TNS3: variants seen among roughly 807,000 people sequenced by gnomAD.
TNS3 encodes the protein tensin-3.
A neutral mutation model predicts 140.9 loss-of-function variants in TNS3; 45 were observed. That is an observed-to-expected ratio of 0.32 (90% CI 0.25 to 0.41). TNS3 has a LOEUF of 0.41. TNS3 is among the 10% of genes least tolerant of loss of function. The probability of loss-of-function intolerance (pLI) is 1.00; values close to 1 mark genes in which losing one functional copy is unlikely to be tolerated. For synonymous variants in TNS3, 815 were observed against 788.4 expected (o/e 1.03, Z -0.56); for missense variants, 1,716 against 1,906.7 (o/e 0.90, Z 1.86).
At position 47,275,339 on chromosome 7, in the gene TNS3, T is replaced by G. The variant is rs1327319725; in HGVS notation, c.*2737A>C. On this transcript the variant is annotated 3_prime_UTR_variant, in exon 31 of 31. Coordinates refer to ENST00000311160, the MANE Select transcript of TNS3 (RefSeq NM_022748.12). ...GTTACAAGGTATTTGATGCTGAGAA[T>G]AAATGCACAGTGACTTTTAACATGG... is the stretch of plus-strand genomic sequence containing the variant. The G allele has an allele frequency of 1.3e-5, 2 of 152,782 alleles. No individual in the cohort carries two copies. Among genetic ancestry groups the G allele is most frequent in the Non-Finnish European group, 2.9e-5 (2 of 68,122 alleles). The allele number at this position is 152,782 out of a possible 1,614,324, so 9.5% of individuals were successfully genotyped here.
chr7:47,295,516 CAG>C (rs1288196790), intron 24 of TNS3, among the ~76,000 whole-genome samples: 1 of 152,194 alleles, frequency 6.6e-6, no homozygotes, highest in Admixed American at 6.5e-5. Flanking sequence ...TATCTCCACT[CAG>C]AAATAGCATC....
rs1786481739 is a variant in TNS3 at position 47,302,812 on chromosome 7, A to AC, written c.3457+137dup. On this transcript the variant is annotated intron_variant, in intron 22 of 30. Coordinates refer to ENST00000311160, the MANE Select transcript of TNS3 (RefSeq NM_022748.12). ...TTTTGGACGAGGAAAATGGAAAAGT[A>AC]CCCCAACGGCTCTGGATTTCCTCTC... 4 of 1,219,822 alleles carry AC rather than the reference A, an allele frequency of 3.3e-6. No individual in the cohort carries two copies. In the South Asian group the frequency reaches 6.7e-5, roughly 20 times the overall value. 75.6% of individuals were successfully genotyped at this position (1,219,822 alleles called of 1,614,324 possible).
intron 26 of TNS3, 78 bp from the exon 27 acceptor site, chr7:47,292,110 G>A: frequency 7.0e-7 from 1 of 1,420,914 alleles, no homozygotes; most frequent in Non-Finnish European, 9.8e-7. Flanking sequence ...TAGACAATTT[G>A]ATGACAGAAT....
chr7:47,308,645 T>G (rs1180790418), intron 20 of TNS3, among the ~76,000 whole-genome samples: 2 of 152,232 alleles, frequency 1.3e-5, no homozygotes, highest in Non-Finnish European at 2.9e-5. Context: ...TTTTGGGTCT[T>G]GCTCTTCACA....
chr7:47,400,843 C>T lies in TNS3; in HGVS notation c.795G>A (p.Gly265=). Residue 265 remains glycine, a synonymous_variant, in exon 14 of 31, where the codon GGG becomes GGA. Coordinates refer to ENST00000311160, the MANE Select transcript of TNS3 (RefSeq NM_022748.12). Reference sequence around the variant, plus strand: ...ACACCAGCCCGTAGCCCTGCACAGCCCCAGTGTGAAACTGCAGGCGGAAAA... The same window carrying T: ...ACACCAGCCCGTAGCCCTGCACAGCTCCAGTGTGAAACTGCAGGCGGAAAA... ...DVIFRLQFHT[G]AVQGYGLVFG... is the part of the protein sequence containing the mutation. 1 of 1,614,270 alleles carries T rather than the reference C, an allele frequency of 6.2e-7. No homozygotes were observed. Among genetic ancestry groups the T allele is most frequent in the Non-Finnish European group, 8.5e-7 (1 of 1,180,042 alleles).
At chr7:47,305,472 C>T (rs998321914) in intron 20 of TNS3, among the ~76,000 whole-genome samples, 15 of 152,260 alleles carry the variant, frequency 9.9e-5, no homozygotes, top group Admixed American at 3.9e-4. Context: ...GCAGGCCCTG[C>T]GGCAGCCGGG....
At chr7:47,396,956 A>G in intron 15 of TNS3, 52 bp from the exon 16 acceptor site, 1 of 1,355,788 alleles carries the variant, frequency 7.4e-7, no homozygotes, top group East Asian at 2.3e-5. Context: ...CATCACCTCC[A>G]TCCAACCGAC....
chr7:47,500,379 C>A (rs1033476666), intron 3 of TNS3, among the ~76,000 whole-genome samples: 2 of 152,210 alleles, frequency 1.3e-5, no homozygotes, highest in East Asian at 1.9e-4. Flanking sequence ...AGGCAGAGCC[C>A]GTGCTGGCCG....
chr7:47,279,137 T>C (rs1785010227), intron 30 of TNS3: 2 of 152,342 alleles, frequency 1.3e-5, no homozygotes, highest in African/African-American at 4.8e-5. Context: ...TCTCCCCGCT[T>C]CTGCTAACGC....
At chr7:47,447,335 G>C (rs1172306654) in intron 4 of TNS3, among the ~76,000 whole-genome samples, 2 of 152,140 alleles carry the variant, frequency 1.3e-5, no homozygotes, top group Non-Finnish European at 2.9e-5. Context: ...GCACTTCCTA[G>C]TGTGTCACAG....
At chr7:47,313,340 A>G (rs1378293790) in intron 20 of TNS3, among the ~76,000 whole-genome samples, 1 of 152,206 alleles carries the variant, frequency 6.6e-6, no homozygotes, top group Non-Finnish European at 1.5e-5. Context: ...GAACTAGCAA[A>G]GGCTTAGAGG....
intron 2 of TNS3, 57 bp downstream of exon 2, chr7:47,528,979 T>C (rs976350102): frequency 1.4e-5 from 15 of 1,109,624 alleles, no homozygotes; most frequent in Non-Finnish European, 1.5e-5. Context: ...TTTCGTTTTG[T>C]TTCTTGTTTG....
chr7:47,414,157 G>A (rs766988735), intron 11 of TNS3, among the ~76,000 whole-genome samples, 160 bp from the exon 12 acceptor site: 3 of 152,118 alleles, frequency 2.0e-5, no homozygotes, highest in Non-Finnish European at 4.4e-5. Flanking sequence ...GTTGCTGCAG[G>A]AAAAGGCCGG....
rs566887074 is a variant in TNS3 at position 47,519,134 on chromosome 7, G to A, written c.-153+9902C>T. On this transcript the variant is annotated intron_variant, in intron 2 of 30. Transcript: ENST00000311160. The stretch of plus-strand genomic sequence containing the variant: ...AGTCAGTGAGACCCACTGAGGCCCC[G>A]CCTGCTGCTTCGTCTCAGGGCGCCA... 3.7e-4 allele frequency among the ~76,000 whole-genome samples: 56 copies of A among 152,154 alleles called. No homozygotes were observed. The Middle Eastern group carries it at 0.01, about 28-fold the overall frequency.
rs1311873678 is a variant in TNS3 at position 47,449,920 on chromosome 7, T to C, written c.-75-7865A>G. The stretch of plus-strand genomic sequence containing the variant: ...CACGCCCAGCCCTGGTCTACTTTAC[T>C]GTGCCGACCACAACTGCAAGAAAAC... On this transcript the variant is annotated intron_variant, in intron 4 of 30. Transcript: ENST00000311160. Among the ~76,000 whole-genome samples the C allele has an allele frequency of 4.6e-5, 7 of 152,220 alleles. No homozygotes were observed. In the East Asian group the frequency reaches 1.3e-3, roughly 29 times the overall value.
intron 2 of TNS3, among the ~76,000 whole-genome samples, chr7:47,507,391 T>C (rs1047326613): frequency 1.1e-4 from 16 of 152,256 alleles, no homozygotes; most frequent in Non-Finnish European, 2.1e-4. Flanking sequence ...AGATGCCCCT[T>C]AAGAATCAGA....
At chr7:47,525,676 A>G (rs1043975810) in intron 2 of TNS3, among the ~76,000 whole-genome samples, 3 of 152,258 alleles carry the variant, frequency 2.0e-5, no homozygotes, top group Non-Finnish European at 4.4e-5. Context: ...AAGCAAATGC[A>G]TTCACTCAGA....
intron 16 of TNS3, among the ~76,000 whole-genome samples, chr7:47,381,228 C>T (rs1791738630): frequency 6.6e-6 from 1 of 152,206 alleles, no homozygotes; most frequent in Non-Finnish European, 1.5e-5. Flanking sequence ...TCAAAGTAAC[C>T]AGGCGGAAAA....
At chr7:47,499,371 A>C (rs1264146969) in intron 3 of TNS3, among the ~76,000 whole-genome samples, 1 of 152,212 alleles carries the variant, frequency 6.6e-6, no homozygotes, top group Non-Finnish European at 1.5e-5. Context: ...AAAGGAATAA[A>C]AGTGTCCTCA....
Sources: allele counts gnomAD v4.1 joint callset (sites outside exome capture counted in the v4.1 genomes callset), GRCh38; gene constraint gnomAD v4.1.1; transcripts MANE v1.5; gene names NCBI Gene and HGNC (gene_info 2026-07-23, HGNC 2026-07-21).